DPYSL5: variants seen among roughly 807,000 people sequenced by gnomAD.
DPYSL5 encodes dihydropyrimidinase-related protein 5.
A neutral mutation model predicts 58.4 loss-of-function variants in DPYSL5; 9 were observed. The ratio of observed to expected loss-of-function variants is 0.15; its 90% CI spans 0.09 to 0.27. The LOEUF (loss-of-function observed/expected upper bound fraction) is 0.27, where lower values mean the gene tolerates loss of function less well. Ranked by LOEUF, DPYSL5 falls within the 10% of genes least tolerant of loss-of-function variation. The pLI is 1.00. For missense variants in DPYSL5, 499 were observed against 770.6 expected (o/e 0.65, Z 4.17); for synonymous variants, 293 against 301.9 (o/e 0.97, Z 0.31).
In DPYSL5 at chr2:26,949,528, C is replaced by G. The variant is rs1389520328; in HGVS notation, c.*2533C>G. On this transcript the variant is annotated 3_prime_UTR_variant, in exon 13 of 13. Transcript: ENST00000288699. ...TGTCAGCCCTCACTGGGTCATGGGC[C>G]TTGGGCAGATGTCAAAGAGCCCAGC... 6.6e-6 allele frequency: 1 copy of G among 152,322 alleles called. No homozygotes were observed. Among genetic ancestry groups the G allele is most frequent in the Admixed American group, 6.5e-5 (1 of 15,286 alleles). The allele number at this position is 152,322 out of a possible 1,614,324, so 9.4% of individuals were successfully genotyped here.
intron 1 of DPYSL5, among the ~76,000 whole-genome samples, chr2:26,857,616 C>G (rs1439809621): frequency 1.3e-5 from 2 of 151,906 alleles, no homozygotes; most frequent in African/African-American, 4.8e-5. Flanking sequence ...TTTGGCCAGA[C>G]AGGATATTGA....
rs186259744 is a variant in DPYSL5 at position 26,927,044 on chromosome 2, A to G, written c.421-209A>G. Among the ~76,000 whole-genome samples, 28 of 152,300 alleles carry G rather than the reference A, an allele frequency of 1.8e-4. No homozygotes were observed. The East Asian group carries it at 5.0e-3, about 27-fold the overall frequency. Reference sequence around the variant, plus strand: ...GCTCCTAAACTGTGTCGTGTTGACAATTTTCACAGTACTTCCGCATCCATC... The same window carrying G: ...GCTCCTAAACTGTGTCGTGTTGACAGTTTTCACAGTACTTCCGCATCCATC... On this transcript the variant is annotated intron_variant, in intron 3 of 12. Transcript: ENST00000288699. This position sits in a 1 kb window ranked among gnomAD's most constrained non-coding sequence, Gnocchi z 4.3.
rs1217664452 is a variant in DPYSL5, at chr2:26,932,157, A to AAGAC, written c.714+476_714+477insCAGA. Among the ~76,000 whole-genome samples the AAGAC allele has an allele frequency of 1.2e-4, 7 of 60,308 alleles. 1 individual carries two copies. The highest frequency in any genetic ancestry group is 4.2e-4 in the African/African-American group (7 of 16,476). 39.6% of individuals were successfully genotyped at this position (60,308 alleles called of 152,430 possible). A position where few individuals can be genotyped will look rare whatever the true frequency, so the allele number is the denominator to read the frequency against. ...AGAAAGAGAAAGAAAGAAAGAAAGAAAGAAAGAAAGAAAGAAAGAAAGAAA... is the reference window on the plus strand; with the variant it reads ...AGAAAGAGAAAGAAAGAAAGAAAGAAAGACAGAAAGAAAGAAAGAAAGAAAGAAA... On this transcript the variant is annotated intron_variant, in intron 6 of 12. Coordinates refer to ENST00000288699, the MANE Select transcript of DPYSL5 (RefSeq NM_020134.4).
intron 8 of DPYSL5, chr2:26,939,823 A>C: frequency 1.7e-6 from 1 of 576,632 alleles, no homozygotes; most frequent in South Asian, 2.2e-5. Context: ...ACACAGACAG[A>C]CTGTGCCACA....
chr2:26,908,386 ACT>A (rs2148145081), intron 2 of DPYSL5, among the ~76,000 whole-genome samples: 1 of 152,270 alleles, frequency 6.6e-6, no homozygotes, highest in East Asian at 1.9e-4. Flanking sequence ...CCAGCAATAA[ACT>A]CTGCAGGCAT....
At chr2:26,926,390 T>A (rs6738528) in intron 3 of DPYSL5, among the ~76,000 whole-genome samples, 63,929 of 152,020 alleles carry the variant, frequency 0.42, 13,855 homozygotes, top group Admixed American at 0.55. Context: ...TAGAGGGTCT[T>A]CTCAGGTTCC....
Position 26,852,429 on chromosome 2 carries a change from T to TAC in DPYSL5, c.-5+4178_-5+4179dup, listed in dbSNP as rs554592231. Among the ~76,000 whole-genome samples the TAC allele has an allele frequency of 4.0e-3, 606 of 152,352 alleles. 1 individual carries two copies. Among genetic ancestry groups the TAC allele is most frequent in the Middle Eastern group, 0.014 (4 of 294 alleles). Reference sequence around the variant, plus strand: ...TATGTATAAAAGTGGGCACAAATTATACACTTGAACAAAAGAAATTCAGGG... The same window carrying TAC: ...TATGTATAAAAGTGGGCACAAATTATACACACTTGAACAAAAGAAATTCAGGG... On this transcript the variant is annotated intron_variant, in intron 1 of 12. Coordinates refer to ENST00000288699, the MANE Select transcript of DPYSL5 (RefSeq NM_020134.4).
rs975870320 is a variant in DPYSL5, at chr2:26,934,325, A to C, written c.791-253A>C. On this transcript the variant is annotated intron_variant, in intron 7 of 12. Transcript: ENST00000288699. The surrounding 1 kb of genome is among the most constrained non-coding windows in gnomAD (Gnocchi z 4.3). ...AGTGCTCTGGTCATCTGGCCAAACC[A>C]GACTCCTCAAAGTGCCGCTTGGTCC... Among the ~76,000 whole-genome samples, 5 of 152,172 alleles carry C rather than the reference A, an allele frequency of 3.3e-5. No homozygotes were observed. Among genetic ancestry groups the C allele is most frequent in the Non-Finnish European group, 7.4e-5 (5 of 68,026 alleles).
At chr2:26,852,556 C>T (rs1047380257) in intron 1 of DPYSL5, among the ~76,000 whole-genome samples, 3 of 152,182 alleles carry the variant, frequency 2.0e-5, no homozygotes, top group Non-Finnish European at 4.4e-5. Flanking sequence ...GCCAAGCACT[C>T]CCATCAATCA....
chr2:26,914,166 C>T (rs1664507725), intron 2 of DPYSL5, among the ~76,000 whole-genome samples: 1 of 152,160 alleles, frequency 6.6e-6, no homozygotes, highest in Admixed American at 6.5e-5. Flanking sequence ...GGATCGCAGC[C>T]TTGGCTGGTC....
chr2:26,905,662 G>A lies in DPYSL5; in HGVS notation c.261+6902G>A, dbSNP rs1282966813. On this transcript the variant is annotated intron_variant, in intron 2 of 12. Coordinates refer to ENST00000288699, the MANE Select transcript of DPYSL5 (RefSeq NM_020134.4). The surrounding 1 kb of genome is among the most constrained non-coding windows in gnomAD (Gnocchi z 4.0). ...CTCCACTTTCTTCTGTGACTCACCT[G>A]TAGGCTGTAAAGAGCCCTGTGAAGG... Among the ~76,000 whole-genome samples, 2 of 152,106 alleles carry A rather than the reference G, an allele frequency of 1.3e-5. No homozygotes were observed. The highest frequency in any genetic ancestry group is 2.4e-5 in the African/African-American group (1 of 41,414).
At chr2:26,915,715 C>T (rs1311196443) in intron 2 of DPYSL5, among the ~76,000 whole-genome samples, 2 of 152,164 alleles carry the variant, frequency 1.3e-5, no homozygotes, top group South Asian at 4.1e-4. Context: ...ACCAACACTC[C>T]TGATTTCCCC....
intron 2 of DPYSL5, among the ~76,000 whole-genome samples, chr2:26,918,565 CAA>C (rs1664632675): frequency 1.3e-5 from 2 of 152,056 alleles, no homozygotes; most frequent in African/African-American, 4.8e-5. Context: ...TCAGCAATCC[CAA>C]GAGAGGCAGA....
intron 1 of DPYSL5, among the ~76,000 whole-genome samples, chr2:26,852,173 G>A (rs1665772791): frequency 6.6e-6 from 1 of 152,182 alleles, no homozygotes; most frequent in South Asian, 2.1e-4. Context: ...GAATCCTGTA[G>A]AACAAGATAT....
chr2:26,907,415 A>T (rs1319455556), intron 2 of DPYSL5, among the ~76,000 whole-genome samples: 1 of 152,142 alleles, frequency 6.6e-6, no homozygotes, highest in African/African-American at 2.4e-5. Context: ...CGCCCAGCCC[A>T]CATTTACATT....
Position 26,898,566 on chromosome 2 carries a change from A to T in DPYSL5, c.67A>T (p.Thr23Ser), listed in dbSNP as rs1468072570. 21 of 1,614,132 alleles carry T rather than the reference A, an allele frequency of 1.3e-5. No homozygotes were observed. The highest frequency in any genetic ancestry group is 1.8e-5 in the Non-Finnish European group (21 of 1,180,024). ...KGGKVVNDDC[T>S]HEADVYIENG... ...AGGCAAGGTGGTGAACGATGACTGC[A>T]CCCACGAGGCTGACGTCTACATCGA... is the stretch of plus-strand genomic sequence containing the variant. Residue 23 changes from threonine (T) to serine (S), a missense_variant, in exon 2 of 13, where the codon ACC (threonine) becomes TCC (serine). By Grantham distance (58) the Thr-to-Ser change is moderately conservative. Around this residue, in one of 3 missense-constraint regions of DPYSL5, gnomAD observed 404 missense variants for 647.6 expected, o/e 0.62. Transcript: ENST00000288699. This position sits in a 1 kb window ranked among gnomAD's most constrained non-coding sequence, Gnocchi z 6.1.
At chr2:26,851,615 A>C (rs1185805380) in intron 1 of DPYSL5, among the ~76,000 whole-genome samples, 1 of 152,124 alleles carries the variant, frequency 6.6e-6, no homozygotes, top group Non-Finnish European at 1.5e-5. Context: ...TATAAGCCAA[A>C]GGACAGCATG....
At chr2:26,945,186 C>T (rs952483288) in intron 12 of DPYSL5, among the ~76,000 whole-genome samples, 2 of 151,970 alleles carry the variant, frequency 1.3e-5, no homozygotes, top group Admixed American at 6.5e-5. Flanking sequence ...GGGACTGCAC[C>T]GACCAGCCCT....
intron 1 of DPYSL5, among the ~76,000 whole-genome samples, chr2:26,889,855 G>A (rs930832617): frequency 1.3e-5 from 2 of 152,162 alleles, no homozygotes; most frequent in Admixed American, 1.3e-4. Context: ...CTGTGCTGCA[G>A]AGACAGACCA....
Sources: gnomAD v4.1 joint callset for allele counts (sites outside exome capture counted in the v4.1 genomes callset) on GRCh38, gnomAD v4.1.1 for gene constraint, gnomAD v4.1.1 regional missense constraint, Gnocchi (gnomAD v3.1) non-coding constraint, MANE v1.5 for transcripts, NCBI Gene and HGNC (gene_info 2026-07-23, HGNC 2026-07-21) for gene names.